HECTD4: variants seen among roughly 807,000 people sequenced by gnomAD.
HECTD4 encodes HECT domain E3 ubiquitin protein ligase 4, also known as probable E3 ubiquitin-protein ligase HECTD4.
In HECTD4, 114 loss-of-function variants were observed where a neutral mutation model predicts 471.5. The observed-to-expected ratio is 0.24, with a 90% CI of 0.21 to 0.28. The LOEUF (loss-of-function observed/expected upper bound fraction) is 0.28. Ranked by LOEUF, HECTD4 falls within the 10% of genes least tolerant of loss-of-function variation. The probability of loss-of-function intolerance (pLI) is 1.00; values close to 1 mark genes in which losing one functional copy is unlikely to be tolerated. For missense variants in HECTD4, 3,866 were observed against 5,651.5 expected (o/e 0.68, Z 10.13); for synonymous variants, 2,012 against 2,256.0 (o/e 0.89, Z 3.07).
intron 1 of HECTD4, among the ~76,000 whole-genome samples, chr12:112,351,345 T>TGTGCA (rs2036245121): frequency 6.6e-6 from 1 of 152,174 alleles, no homozygotes; most frequent in African/African-American, 2.4e-5. Context: ...TCTAACCAAA[T>TGTGCA]GTGCAGGGCA....
chr12:112,178,935 C>A lies in HECTD4; in HGVS notation c.11359G>T (p.Val3787Phe). ...PAKDKAVLNS[V>F]SRTALSEKKP... The stretch of plus-strand genomic sequence containing the variant: ...CAGGCTCCTTGGGGCACGCACCTGA[C>A]GCTGTTGAGCACAGCCTTGTCCTTG... Residue 3787 changes from valine (V) to phenylalanine (F), a missense_variant, in exon 64 of 76, where the codon GTC becomes TTC. Physicochemically the swap from Val to Phe is conservative, Grantham distance 50. Around this residue, in one of 16 missense-constraint regions of HECTD4, gnomAD observed 715 missense variants for 1,087.6 expected, o/e 0.66. Transcript: ENST00000682272. 1 of 1,609,078 alleles carries A rather than the reference C, an allele frequency of 6.2e-7. No individual in the cohort carries two copies. Among genetic ancestry groups the A allele is most frequent in the Non-Finnish European group, 8.5e-7 (1 of 1,177,662 alleles).
At position 112,313,138 on chromosome 12, in the gene HECTD4, A is replaced by G; in HGVS notation, c.795T>C (p.Leu265=). Reference sequence around the variant, plus strand: ...AGGGAGATCCAGGCCCCCCTTCCAAAAGCAACAGCCTATATGGGGGAGAAA... The same window carrying G: ...AGGGAGATCCAGGCCCCCCTTCCAAGAGCAACAGCCTATATGGGGGAGAAA... ...PVADVLYRLL[L]LEGGPGSPSC... is the part of the protein sequence containing the mutation. Residue 265 remains leucine, a synonymous_variant, in exon 4 of 76, where the codon CTT becomes CTC. Coordinates refer to ENST00000682272, the MANE Select transcript of HECTD4 (RefSeq NM_001388303.1). The G allele has an allele frequency of 6.5e-7, 1 of 1,535,456 alleles. No homozygotes were observed. The highest frequency in any genetic ancestry group is 8.7e-7 in the Non-Finnish European group (1 of 1,146,552).
intron 48 of HECTD4, 143 bp downstream of exon 48, chr12:112,216,149 G>C (rs56656263): frequency 6.9e-4 from 432 of 628,390 alleles, no homozygotes; most frequent in African/African-American, 6.0e-3. Context: ...TGTAAACTAG[G>C]GGGCAGCAAG....
chr12:112,192,735 C>T lies in HECTD4; in HGVS notation c.9117G>A (p.Arg3039=). 6.3e-7 allele frequency: 1 copy of T among 1,592,428 alleles called. No homozygotes were observed. Among genetic ancestry groups the T allele is most frequent in the Non-Finnish European group, 8.5e-7 (1 of 1,169,816 alleles). Residue 3039 remains arginine (R), a synonymous_variant, in exon 59 of 76, where the codon CGG becomes CGA. Transcript: ENST00000682272. ...TGTGGCCGAGGCCATATACGAGCAC[C>T]CGTGCCCACGGTGCCTTGTACAGAG... ...DSSLYKAPWA[R]VLVYGLGHKV...
At chr12:112,335,190 T>A (rs1460941897) in intron 1 of HECTD4, among the ~76,000 whole-genome samples, 1 of 125,112 alleles carries the variant, frequency 8.0e-6, no homozygotes, top group Non-Finnish European at 1.6e-5. Flanking sequence ...AATGGAATAC[T>A]ACTCAGCCAT....
intron 1 of HECTD4, among the ~76,000 whole-genome samples, chr12:112,352,769 G>A (rs1324584606): frequency 6.6e-6 from 1 of 151,920 alleles, no homozygotes; most frequent in Non-Finnish European, 1.5e-5. Context: ...AAAATGCCCA[G>A]CTAGTTTTTT....
intron 64 of HECTD4, among the ~76,000 whole-genome samples, chr12:112,177,859 G>C (rs1201804423): frequency 6.6e-6 from 1 of 152,192 alleles, no homozygotes; most frequent in Admixed American, 6.5e-5. Flanking sequence ...AAAAGCTACA[G>C]AAGTAACCTT....
At chr12:112,311,496 T>G (rs762311088) in intron 4 of HECTD4, among the ~76,000 whole-genome samples, 1 of 151,006 alleles carries the variant, frequency 6.6e-6, no homozygotes, top group Non-Finnish European at 1.5e-5. Flanking sequence ...TGTTAGTGCA[T>G]GCCTGTGGTC....
chr12:112,270,168 G>A, intron 12 of HECTD4, 59 bp downstream of exon 12: 1 of 1,468,296 alleles, frequency 6.8e-7, no homozygotes, highest in Non-Finnish European at 9.4e-7. Flanking sequence ...ACTGGCTGAA[G>A]CCAAGGTTTG....
intron 1 of HECTD4, chr12:112,321,627 T>G (rs1566111004): frequency 1.3e-5 from 2 of 152,212 alleles, no homozygotes; most frequent in Non-Finnish European, 2.9e-5. Context: ...AATACTCTTT[T>G]ATCTCAAATT....
At chr12:112,191,309 T>C (rs1384100781) in intron 59 of HECTD4, among the ~76,000 whole-genome samples, 1 of 152,212 alleles carries the variant, frequency 6.6e-6, no homozygotes, top group Non-Finnish European at 1.5e-5. Context: ...ACTGGGATAT[T>C]CCCAGCTTGG....
Position 112,212,565 on chromosome 12 carries a change from T to G in HECTD4, c.7551A>C (p.Thr2517=), listed in dbSNP as rs1410088618. 2.5e-6 allele frequency: 4 copies of G among 1,613,806 alleles called. No individual in the cohort carries two copies. The highest frequency in any genetic ancestry group is 3.4e-6 in the Non-Finnish European group (4 of 1,179,844). ...ATGGTGAGAGGCGCTGCCCGCAGTA[T>G]GTGAAGTACACCCGGCCCTTGGCTG... ...GQPAKGRVYF[T]YCGQRLSPYL... The change falls in exon 49 of 76, where the codon ACA becomes ACC. Residue 2517 remains threonine, a synonymous_variant. Coordinates refer to ENST00000682272, the MANE Select transcript of HECTD4 (RefSeq NM_001388303.1).
At chr12:112,372,592 G>T (rs957446879) in intron 1 of HECTD4, among the ~76,000 whole-genome samples, 1 of 151,760 alleles carries the variant, frequency 6.6e-6, no homozygotes, top group Non-Finnish European at 1.5e-5. Flanking sequence ...CCCATGTCTA[G>T]CTAATTTTAA....
chr12:112,279,207 C>A, intron 9 of HECTD4, 21 bp downstream of exon 9: 6 of 1,591,962 alleles, frequency 3.8e-6, no homozygotes, highest in Non-Finnish European at 5.1e-6. Flanking sequence ...GAGGAAAGTG[C>A]CACAAGTAAA....
chr12:112,329,928 A>G (rs1395876697), intron 1 of HECTD4, among the ~76,000 whole-genome samples: 1 of 152,158 alleles, frequency 6.6e-6, no homozygotes, highest in Non-Finnish European at 1.5e-5. Flanking sequence ...TCTGGGCAAC[A>G]TAGTGAGACC....
chr12:112,162,581 G>A lies in HECTD4; in HGVS notation c.13121-58C>T. The A allele has an allele frequency of 8.1e-6, 13 of 1,608,206 alleles. No homozygotes were observed. The highest frequency in any genetic ancestry group is 9.4e-6 in the Non-Finnish European group (11 of 1,176,336). On this transcript the variant is annotated intron_variant, in intron 75 of 75. Coordinates refer to ENST00000682272, the MANE Select transcript of HECTD4 (RefSeq NM_001388303.1). This position sits in a 1 kb window ranked among gnomAD's most constrained non-coding sequence, Gnocchi z 5.2. ...GGCCCACATCTGTGAGGCTCCCAGG[G>A]AAGCTGGGCTGGCCTCTGCTTCCAG... is the stretch of plus-strand genomic sequence containing the variant.
intron 59 of HECTD4, 43 bp from the exon 60 acceptor site, chr12:112,191,008 C>A: frequency 6.7e-7 from 1 of 1,497,730 alleles, no homozygotes; most frequent in South Asian, 1.3e-5. Context: ...TTGGCAGCAC[C>A]TGACCCAAAT....
intron 11 of HECTD4, among the ~76,000 whole-genome samples, chr12:112,272,048 T>C (rs1481326330): frequency 1.3e-5 from 2 of 152,158 alleles, no homozygotes; most frequent in African/African-American, 2.4e-5. Flanking sequence ...TTATCTTATT[T>C]TATTTTTTTG....
chr12:112,180,601 G>A (rs181326937), intron 62 of HECTD4, among the ~76,000 whole-genome samples: 17 of 151,666 alleles, frequency 1.1e-4, no homozygotes, highest in Non-Finnish European at 2.4e-4. Context: ...CTAGCACCAT[G>A]AGGCAGATCC....
Sources: gnomAD v4.1 joint callset for allele counts (sites outside exome capture counted in the v4.1 genomes callset) on GRCh38, gnomAD v4.1.1 for gene constraint, gnomAD v4.1.1 regional missense constraint, Gnocchi (gnomAD v3.1) non-coding constraint, MANE v1.5 for transcripts, NCBI Gene and HGNC (gene_info 2026-07-23, HGNC 2026-07-21) for gene names.